The following CAMKMT variants were observed in gnomAD, a reference collection of about 807,000 sequenced individuals.
CAMKMT encodes CaM KMT.
In CAMKMT, 53 loss-of-function variants were observed where a neutral mutation model predicts 48.0. The observed-to-expected ratio is 1.10, with a 90% CI of 0.89 to 1.39. The LOEUF (loss-of-function observed/expected upper bound fraction) is 1.39. CAMKMT is among the 40% of genes most tolerant of loss of function. The pLI, the probability that CAMKMT is intolerant of heterozygous loss-of-function variation, is 0.00. For missense variants in CAMKMT, 428 were observed against 402.7 expected, an observed-to-expected ratio of 1.06 and a Z score of -0.54; for synonymous variants, 165 against 152.3, an observed-to-expected ratio of 1.08 and a Z score of -0.61.
chr2:44,524,170 C>T (rs780503190), intron 3 of CAMKMT, among the ~76,000 whole-genome samples: 11 of 152,102 alleles, frequency 7.2e-5, no homozygotes, highest in Non-Finnish European at 1.2e-4. Context: ...CCACTGAACT[C>T]TATTGGTCAA....
intron 3 of CAMKMT, among the ~76,000 whole-genome samples, chr2:44,418,192 CAA>C (rs70965353): frequency 1.0e-4 from 12 of 118,834 alleles, no homozygotes; most frequent in Non-Finnish European, 1.0e-4. Context: ...AACTCTGTCT[CAA>C]AAAAAAAAAA....
At chr2:44,418,365 T>TTA in intron 3 of CAMKMT, among the ~76,000 whole-genome samples, 1 of 152,238 alleles carries the variant, frequency 6.6e-6, no homozygotes, top group Admixed American at 6.5e-5. Context: ...TTTTATATTT[T>TTA]TAGTCTATGG....
In CAMKMT at chr2:44,419,320, A is replaced by G. The variant is rs530823024; in HGVS notation, c.376+29015A>G. Among the ~76,000 whole-genome samples, 7 of 152,342 alleles carry G rather than the reference A, an allele frequency of 4.6e-5. No individual in the cohort carries two copies. The East Asian group carries it at 9.7e-4, about 21-fold the overall frequency. ...TGATGGACATGTTGAATGTTTCTAC[A>G]AAAGCATTCCAGTGTTTGGTCATTA... On this transcript the variant is annotated intron_variant, in intron 3 of 10. Transcript: ENST00000378494.
At chr2:44,440,972 C>G (rs1324799877) in intron 3 of CAMKMT, among the ~76,000 whole-genome samples, 1 of 152,126 alleles carries the variant, frequency 6.6e-6, no homozygotes, top group Non-Finnish European at 1.5e-5. Flanking sequence ...AGCCTTGCCA[C>G]CCCTACTAAT....
Position 44,460,561 on chromosome 2 carries a change from C to G in CAMKMT, c.376+70256C>G, listed in dbSNP as rs564142614. 2.0e-4 allele frequency among the ~76,000 whole-genome samples: 30 copies of G among 152,100 alleles called. No individual in the cohort carries two copies. In the South Asian group the frequency reaches 6.2e-3, roughly 32 times the overall value. The stretch of plus-strand genomic sequence containing the variant: ...TTTTGTGTTGTGAGGACTTTCTGTT[C>G]ATTTAAAAACATTTGTTGAGCACCC... On this transcript the variant is annotated intron_variant, in intron 3 of 10. Coordinates refer to ENST00000378494, the MANE Select transcript of CAMKMT (RefSeq NM_024766.5).
At chr2:44,541,339 T>G (rs1667093122) in intron 3 of CAMKMT, among the ~76,000 whole-genome samples, 1 of 152,202 alleles carries the variant, frequency 6.6e-6, no homozygotes, top group South Asian at 2.1e-4. Flanking sequence ...GTAGGAGATG[T>G]CTTTCCATTT....
At chr2:44,703,079 C>T (rs977386886) in intron 3 of CAMKMT, among the ~76,000 whole-genome samples, 4 of 152,058 alleles carry the variant, frequency 2.6e-5, no homozygotes, top group Admixed American at 6.6e-5. Flanking sequence ...GTGCAAGATG[C>T]CTGGTGCTCT....
chr2:44,708,435 C>A (rs369016642), intron 6 of CAMKMT, among the ~76,000 whole-genome samples: 6 of 151,582 alleles, frequency 4.0e-5, no homozygotes, highest in South Asian at 2.1e-4. Context: ...AAAGGAGGAA[C>A]GAGAAGCACA....
intron 3 of CAMKMT, among the ~76,000 whole-genome samples, chr2:44,694,928 ATT>A (rs1676856023): frequency 2.0e-5 from 3 of 152,344 alleles, no homozygotes; most frequent in South Asian, 4.1e-4. Flanking sequence ...AAATAAACTC[ATT>A]TGATTTATAC....
intron 3 of CAMKMT, among the ~76,000 whole-genome samples, chr2:44,520,462 C>T (rs1572702850): frequency 6.6e-6 from 1 of 152,062 alleles, no homozygotes; most frequent in Non-Finnish European, 1.5e-5. Flanking sequence ...CTCATCAACC[C>T]TCTATCATTA....
At chr2:44,719,353 G>T (rs1678341464) in intron 7 of CAMKMT, among the ~76,000 whole-genome samples, 1 of 152,058 alleles carries the variant, frequency 6.6e-6, no homozygotes, top group Admixed American at 6.6e-5. Flanking sequence ...AAGCATGTTG[G>T]CTTTGTTTGC....
At chr2:44,432,743 T>C (rs1684725321) in intron 3 of CAMKMT, among the ~76,000 whole-genome samples, 2 of 152,242 alleles carry the variant, frequency 1.3e-5, no homozygotes, top group East Asian at 1.9e-4. Context: ...GTTAACTCTT[T>C]CTTTGTAATA....
chr2:44,439,168 C>T (rs1666479488), intron 3 of CAMKMT, among the ~76,000 whole-genome samples: 1 of 152,072 alleles, frequency 6.6e-6, no homozygotes, highest in South Asian at 2.1e-4. Context: ...TCTTTTGGAA[C>T]CCAAATTGAA....
At chr2:44,399,648 A>G (rs1371104294) in intron 3 of CAMKMT, among the ~76,000 whole-genome samples, 2 of 151,992 alleles carry the variant, frequency 1.3e-5, no homozygotes, top group East Asian at 3.8e-4. Context: ...CTAAGAAAAA[A>G]TTCTAACTCT....
At chr2:44,584,364 G>T in intron 3 of CAMKMT, among the ~76,000 whole-genome samples, 1 of 152,032 alleles carries the variant, frequency 6.6e-6, no homozygotes, top group East Asian at 1.9e-4. Flanking sequence ...AGAGGACCTG[G>T]GATATTACCT....
intron 3 of CAMKMT, among the ~76,000 whole-genome samples, chr2:44,443,715 T>C (rs1244230247): frequency 2.0e-5 from 3 of 152,194 alleles, no homozygotes; most frequent in Non-Finnish European, 2.9e-5. Flanking sequence ...GACTTCTTCA[T>C]GTCTGTTAAA....
At chr2:44,668,172 T>C (rs1468014566) in intron 3 of CAMKMT, among the ~76,000 whole-genome samples, 2 of 152,214 alleles carry the variant, frequency 1.3e-5, no homozygotes, top group Non-Finnish European at 1.5e-5. Flanking sequence ...GCTGATGACC[T>C]GGCTGATCTT....
At position 44,563,207 on chromosome 2, in the gene CAMKMT, C is replaced by T. The variant is rs541715978; in HGVS notation, c.377-141076C>T. Among the ~76,000 whole-genome samples the T allele has an allele frequency of 2.4e-4, 35 of 148,476 alleles. No homozygotes were observed. The South Asian group carries it at 3.3e-3, about 14-fold the overall frequency. ...TTAGAGGTATCTACTCTTATCTCTTCGGGATGTATTTCCCATAGGTGTATA... is the reference window on the plus strand; with the variant it reads ...TTAGAGGTATCTACTCTTATCTCTTTGGGATGTATTTCCCATAGGTGTATA... On this transcript the variant is annotated intron_variant, in intron 3 of 10. Transcript: ENST00000378494.
rs549152530 is a variant in CAMKMT, at chr2:44,363,175, C to G, written c.138+1030C>G. On this transcript the variant is annotated intron_variant, in intron 1 of 10. Coordinates refer to ENST00000378494, the MANE Select transcript of CAMKMT (RefSeq NM_024766.5). Reference sequence around the variant, plus strand: ...ATCAGAGTTAATTAAGATTTATTTGCTGATACATTGACAGTCTTTCCAGAC... The same window carrying G: ...ATCAGAGTTAATTAAGATTTATTTGGTGATACATTGACAGTCTTTCCAGAC... Among the ~76,000 whole-genome samples the G allele has an allele frequency of 2.6e-5, 4 of 152,282 alleles. No homozygotes were observed. The South Asian group carries it at 8.3e-4, about 32-fold the overall frequency.
Sources: allele counts gnomAD v4.1 joint callset (sites outside exome capture counted in the v4.1 genomes callset), GRCh38; gene constraint gnomAD v4.1.1; transcripts MANE v1.5; gene names NCBI Gene and HGNC (gene_info 2026-07-23, HGNC 2026-07-21).